CAMK1D: variants seen among roughly 807,000 people sequenced by gnomAD.
CAMK1D encodes the protein calcium/calmodulin dependent protein kinase ID, also known as calcium/calmodulin-dependent protein kinase type 1D.
Under a neutral mutation model 47.7 loss-of-function variants are expected in CAMK1D, and 9 were observed. The observed-to-expected ratio is 0.19, with a 90% confidence interval of 0.11 to 0.33. The LOEUF (loss-of-function observed/expected upper bound fraction) is 0.33. Ranked by LOEUF, CAMK1D falls within the 10% of genes least tolerant of loss-of-function variation. The pLI is 1.00. For missense variants in CAMK1D, 291 were observed against 488.7 expected (o/e 0.60, Z 3.81); for synonymous variants, 184 against 184.9 (o/e 0.99, Z 0.04).
intron 1 of CAMK1D, among the ~76,000 whole-genome samples, chr10:12,502,165 G>A (rs1834724605): frequency 6.6e-6 from 1 of 152,216 alleles, no homozygotes; most frequent in African/African-American, 2.4e-5. Context: ...GCAGCAGGCA[G>A]TCTGGACCGA....
At chr10:12,411,897 C>T (rs904200386) in intron 1 of CAMK1D, among the ~76,000 whole-genome samples, 1 of 152,198 alleles carries the variant, frequency 6.6e-6, no homozygotes, top group East Asian at 1.9e-4. Context: ...CCCGGACAAG[C>T]CTACCTGGCT....
chr10:12,681,722 T>C (rs932629119), intron 3 of CAMK1D, among the ~76,000 whole-genome samples: 2 of 152,242 alleles, frequency 1.3e-5, no homozygotes, highest in African/African-American at 4.8e-5. Context: ...ATCAAACTTA[T>C]TTGTCAACAA....
intron 1 of CAMK1D, among the ~76,000 whole-genome samples, chr10:12,392,869 G>C (rs201699132): frequency 6.6e-6 from 1 of 151,936 alleles, no homozygotes; most frequent in South Asian, 2.1e-4. Flanking sequence ...TAGAAATTTT[G>C]ATGAGTTTAA....
At chr10:12,422,293 C>T (rs560394309) in intron 1 of CAMK1D, among the ~76,000 whole-genome samples, 3 of 152,126 alleles carry the variant, frequency 2.0e-5, no homozygotes, top group South Asian at 2.1e-4. Flanking sequence ...GACTATAGTC[C>T]GGATTTTAGT....
intron 4 of CAMK1D, 82 bp from the exon 5 acceptor site, chr10:12,769,591 G>A: frequency 2.0e-6 from 3 of 1,501,016 alleles, no homozygotes; most frequent in Non-Finnish European, 2.7e-6. Context: ...GTTGTGAATA[G>A]GTTTTGCAGC....
chr10:12,601,744 G>A (rs962995456), intron 2 of CAMK1D, among the ~76,000 whole-genome samples: 12 of 152,220 alleles, frequency 7.9e-5, no homozygotes, highest in Non-Finnish European at 5.9e-5. Flanking sequence ...TTACAGACAT[G>A]AGCCATCGTG....
intron 3 of CAMK1D, among the ~76,000 whole-genome samples, chr10:12,758,656 G>A (rs914504216): frequency 2.6e-5 from 4 of 152,142 alleles, no homozygotes; most frequent in African/African-American, 7.2e-5. Context: ...AGTAGAATTC[G>A]TCCATACCTT....
intron 2 of CAMK1D, among the ~76,000 whole-genome samples, chr10:12,560,076 C>G (rs1176150775): frequency 6.6e-6 from 1 of 152,178 alleles, no homozygotes; most frequent in African/African-American, 2.4e-5. Flanking sequence ...AAGAAAGCAA[C>G]TGCTTTGGGA....
intron 2 of CAMK1D, among the ~76,000 whole-genome samples, chr10:12,635,225 G>A (rs1035227796): frequency 6.6e-6 from 1 of 152,146 alleles, no homozygotes; most frequent in African/African-American, 2.4e-5. Flanking sequence ...TACCTGCCCC[G>A]TGGCTGCCCA....
intron 1 of CAMK1D, among the ~76,000 whole-genome samples, chr10:12,418,021 C>T (rs758398174): frequency 1.3e-5 from 2 of 152,138 alleles, no homozygotes; most frequent in Non-Finnish European, 1.5e-5. Context: ...AGGCTGGTCT[C>T]GAACTCCTGA....
At chr10:12,508,565 G>A (rs1471943692) in intron 1 of CAMK1D, among the ~76,000 whole-genome samples, 1 of 152,216 alleles carries the variant, frequency 6.6e-6, no homozygotes, top group Non-Finnish European at 1.5e-5. Flanking sequence ...GGAGGTGGAC[G>A]GCGGTGATGG....
chr10:12,785,110 G>A (rs1163157493), intron 5 of CAMK1D, among the ~76,000 whole-genome samples: 3 of 152,144 alleles, frequency 2.0e-5, no homozygotes, highest in Non-Finnish European at 2.9e-5. Flanking sequence ...GCTCCAAAAC[G>A]CTGGCTTTGG....
At position 12,829,207 on chromosome 10, in the gene CAMK1D, C is replaced by G; in HGVS notation, c.*320C>G. ...TTTCCACTCTTCTCAGTGTAGGTAACCGTCTATGGTGTGTTTTTTCATTAA... is the reference window on the plus strand; with the variant it reads ...TTTCCACTCTTCTCAGTGTAGGTAAGCGTCTATGGTGTGTTTTTTCATTAA... On this transcript the variant is annotated 3_prime_UTR_variant, in exon 11 of 11. Coordinates refer to ENST00000619168, the MANE Select transcript of CAMK1D (RefSeq NM_153498.4). The G allele has an allele frequency of 4.5e-6, 1 of 224,572 alleles. No homozygotes were observed. The highest frequency in any genetic ancestry group is 8.7e-6 in the Non-Finnish European group (1 of 115,548). The allele number at this position is 224,572 out of a possible 1,614,324, so 13.9% of individuals were successfully genotyped here.
intron 5 of CAMK1D, among the ~76,000 whole-genome samples, chr10:12,782,168 C>T (rs1320295368): frequency 6.6e-6 from 1 of 152,152 alleles, no homozygotes; most frequent in Non-Finnish European, 1.5e-5. Flanking sequence ...GCAGAGAACG[C>T]TCCTGTGTTT....
At chr10:12,407,322 C>G (rs962579085) in intron 1 of CAMK1D, among the ~76,000 whole-genome samples, 4 of 152,266 alleles carry the variant, frequency 2.6e-5, no homozygotes, top group African/African-American at 9.6e-5. Flanking sequence ...GAAGCTCCCA[C>G]TGCCAGGGGA....
chr10:12,664,640 T>G (rs1840372434), intron 2 of CAMK1D, among the ~76,000 whole-genome samples: 1 of 152,178 alleles, frequency 6.6e-6, no homozygotes, highest in Non-Finnish European at 1.5e-5. Flanking sequence ...AATTTAGAGA[T>G]TGAGTGATGT....
chr10:12,628,896 C>A (rs558343426), intron 2 of CAMK1D, among the ~76,000 whole-genome samples: 1 of 152,286 alleles, frequency 6.6e-6, no homozygotes, highest in Admixed American at 6.5e-5. Flanking sequence ...TGTAGTCTTT[C>A]AAGATTGGCT....
chr10:12,445,409 G>C (rs2132021283), intron 1 of CAMK1D, among the ~76,000 whole-genome samples: 1 of 152,368 alleles, frequency 6.6e-6, no homozygotes, highest in Admixed American at 6.5e-5. Flanking sequence ...GTCAGACTTA[G>C]CTTTGGTTCT....
At chr10:12,442,217 C>T (rs902889644) in intron 1 of CAMK1D, among the ~76,000 whole-genome samples, 6 of 152,190 alleles carry the variant, frequency 3.9e-5, no homozygotes, top group Non-Finnish European at 5.9e-5. Context: ...CGCGGTGGCT[C>T]ATGCCTGTAA....
Sources: allele counts gnomAD v4.1 joint callset (sites outside exome capture counted in the v4.1 genomes callset), GRCh38; gene constraint gnomAD v4.1.1; transcripts MANE v1.5; gene names NCBI Gene and HGNC (gene_info 2026-07-23, HGNC 2026-07-21).